Variants in SEMA5A observed in about 807,000 individuals in gnomAD.
The protein encoded by SEMA5A is semaphorin-5A.
A neutral mutation model predicts 135.5 loss-of-function variants in SEMA5A; 55 were observed. The ratio of observed to expected loss-of-function variants is 0.41; its 90% CI spans 0.33 to 0.51. The LOEUF (loss-of-function observed/expected upper bound fraction) is 0.51, where lower values mean the gene tolerates loss of function less well. Among genes scored for constraint, SEMA5A ranks in the 20% least tolerant of loss-of-function variants. The pLI, the probability that SEMA5A is intolerant of heterozygous loss-of-function variation, is 0.37. For synonymous variants in SEMA5A, 580 were observed against 546.5 expected (o/e 1.06, Z -0.85); for missense variants, 1,290 against 1,419.9 (o/e 0.91, Z 1.47).
chr5:9,339,255 A>T (rs1310083266), intron 3 of SEMA5A, among the ~76,000 whole-genome samples: 1 of 152,208 alleles, frequency 6.6e-6, no homozygotes, highest in African/African-American at 2.4e-5. Context: ...TTGTGGGGTT[A>T]CAGGAATTAT....
intron 1 of SEMA5A, among the ~76,000 whole-genome samples, chr5:9,519,144 C>G (rs910354322): frequency 1.3e-5 from 2 of 152,210 alleles, no homozygotes; most frequent in African/African-American, 4.8e-5. Flanking sequence ...GCTAAGGCAT[C>G]AGTCTGTTAT....
At chr5:9,323,833 T>C (rs1752744027) in intron 4 of SEMA5A, among the ~76,000 whole-genome samples, 1 of 151,658 alleles carries the variant, frequency 6.6e-6, no homozygotes, top group Non-Finnish European at 1.5e-5. Flanking sequence ...GACTAATTTT[T>C]ATATTTCTGG....
chr5:9,292,905 C>T (rs1301067955), intron 5 of SEMA5A, among the ~76,000 whole-genome samples: 1 of 152,112 alleles, frequency 6.6e-6, no homozygotes, highest in African/African-American at 2.4e-5. Context: ...TGTTAAACAT[C>T]CTACACTGCA....
intron 1 of SEMA5A, among the ~76,000 whole-genome samples, chr5:9,497,400 G>A (rs1402856250): frequency 6.6e-6 from 1 of 152,160 alleles, no homozygotes; most frequent in Non-Finnish European, 1.5e-5. Context: ...CAGACACAAT[G>A]GACTGGGGAT....
intron 3 of SEMA5A, among the ~76,000 whole-genome samples, chr5:9,356,655 C>T (rs1436686051): frequency 6.6e-6 from 1 of 152,142 alleles, no homozygotes; most frequent in East Asian, 1.9e-4. Flanking sequence ...GGCACTCAAG[C>T]CAGCATGCTT....
At chr5:9,472,798 T>C (rs1561281084) in intron 1 of SEMA5A, among the ~76,000 whole-genome samples, 1 of 151,976 alleles carries the variant, frequency 6.6e-6, no homozygotes, top group South Asian at 2.1e-4. Context: ...ACTATCATTT[T>C]GATGCATTTC....
chr5:9,283,743 G>C (rs959805871), intron 5 of SEMA5A, among the ~76,000 whole-genome samples: 1 of 152,128 alleles, frequency 6.6e-6, no homozygotes, highest in Non-Finnish European at 1.5e-5. Context: ...GCCTCTGCCC[G>C]TTAATTTTTA....
At chr5:9,249,737 T>A (rs1049799940) in intron 5 of SEMA5A, among the ~76,000 whole-genome samples, 3 of 152,038 alleles carry the variant, frequency 2.0e-5, no homozygotes, top group Non-Finnish European at 4.4e-5. Flanking sequence ...GATCTGGAGA[T>A]GGATGAAGGA....
At chr5:9,170,682 G>A (rs1015206910) in intron 11 of SEMA5A, among the ~76,000 whole-genome samples, 1 of 152,098 alleles carries the variant, frequency 6.6e-6, no homozygotes, top group African/African-American at 2.4e-5. Context: ...TTATAAGCCA[G>A]AAAAGGGTCC....
intron 3 of SEMA5A, among the ~76,000 whole-genome samples, chr5:9,341,674 T>TATATATAATATATATAATATATA (rs975557445): frequency 2.6e-4 from 6 of 22,870 alleles, no homozygotes; most frequent in Non-Finnish European, 7.6e-4. Flanking sequence ...ATAATATATA[T>TATATATAATATATATAATATATA]TATATATATA....
At chr5:9,094,965 GA>G (rs139656452) in intron 16 of SEMA5A, among the ~76,000 whole-genome samples, 6 of 150,658 alleles carry the variant, frequency 4.0e-5, no homozygotes, top group Admixed American at 6.6e-5. Context: ...AATAGATCTT[GA>G]AAAAAAAATA....
rs561402743 is a variant in SEMA5A, at chr5:9,301,288, G to A, written c.270+17084C>T. Among the ~76,000 whole-genome samples, 10 of 152,284 alleles carry A rather than the reference G, an allele frequency of 6.6e-5. No homozygotes were observed. In the South Asian group the frequency reaches 2.1e-3, roughly 32 times the overall value. ...TTATCTCAGAGTTGATAAATTTTAG[G>A]CAGCGAATTCATAAGCATCAGGTGT... is the stretch of plus-strand genomic sequence containing the variant. On this transcript the variant is annotated intron_variant, in intron 5 of 22. Coordinates refer to ENST00000382496, the MANE Select transcript of SEMA5A (RefSeq NM_003966.3).
chr5:9,391,648 C>A (rs1756166585), intron 2 of SEMA5A, among the ~76,000 whole-genome samples: 1 of 152,164 alleles, frequency 6.6e-6, no homozygotes, highest in African/African-American at 2.4e-5. Context: ...CCCCTGTCCC[C>A]TTCTCTCCCA....
intron 17 of SEMA5A, among the ~76,000 whole-genome samples, chr5:9,064,344 G>A (rs1030454958): frequency 6.6e-6 from 1 of 152,130 alleles, no homozygotes; most frequent in South Asian, 2.1e-4. Context: ...CTATGCGCAC[G>A]TATGTTTATG....
intron 5 of SEMA5A, among the ~76,000 whole-genome samples, chr5:9,307,178 G>C (rs1002908169): frequency 1.3e-5 from 2 of 152,180 alleles, no homozygotes; most frequent in African/African-American, 4.8e-5. Flanking sequence ...GGATCATGTA[G>C]TATCACTTGA....
At chr5:9,524,548 T>A (rs909289020) in intron 1 of SEMA5A, among the ~76,000 whole-genome samples, 8 of 152,326 alleles carry the variant, frequency 5.3e-5, no homozygotes, top group African/African-American at 1.9e-4. Flanking sequence ...CGGAGCCCTT[T>A]GAACCAATCT....
At chr5:9,454,233 T>C (rs1452851227) in intron 1 of SEMA5A, among the ~76,000 whole-genome samples, 2 of 152,196 alleles carry the variant, frequency 1.3e-5, no homozygotes, top group Admixed American at 6.5e-5. Context: ...CTGTGACTCA[T>C]GGGACTCTTT....
intron 13 of SEMA5A, among the ~76,000 whole-genome samples, chr5:9,134,467 A>G (rs1198432563): frequency 6.6e-6 from 1 of 152,144 alleles, no homozygotes; most frequent in Admixed American, 6.5e-5. Context: ...TTTAATGACT[A>G]AAGACATATA....
chr5:9,088,467 T>C (rs1738834796), intron 16 of SEMA5A, among the ~76,000 whole-genome samples: 1 of 150,800 alleles, frequency 6.6e-6, no homozygotes, highest in Non-Finnish European at 1.5e-5. Context: ...AGTTTTCTTT[T>C]AGAATGTTCC....
Sources: allele counts gnomAD v4.1 joint callset (sites outside exome capture counted in the v4.1 genomes callset), GRCh38; gene constraint gnomAD v4.1.1; transcripts MANE v1.5; gene names NCBI Gene and HGNC (gene_info 2026-07-23, HGNC 2026-07-21).